The following EPB41L4B variants were observed in gnomAD, a reference collection of about 807,000 sequenced individuals.
The protein encoded by EPB41L4B is erythrocyte membrane protein band 4.1 like 4B, also known as band 4.1-like protein 4B.
EPB41L4B carries 30 observed loss-of-function variants against 112.5 expected under a neutral mutation model. The observed-to-expected ratio is 0.27, with a 90% CI of 0.20 to 0.36. EPB41L4B has a LOEUF of 0.36. Ranked by LOEUF, EPB41L4B falls within the 10% of genes least tolerant of loss-of-function variation. The pLI is 1.00. For missense variants in EPB41L4B, 1,024 were observed against 1,133.3 expected, an observed-to-expected ratio of 0.90 and a Z score of 1.38; for synonymous variants, 408 against 439.7, an observed-to-expected ratio of 0.93 and a Z score of 0.90.
At chr9:109,315,411 G>C (rs771327808) in intron 1 of EPB41L4B, among the ~76,000 whole-genome samples, 1 of 152,192 alleles carries the variant, frequency 6.6e-6, no homozygotes, top group South Asian at 2.1e-4. Flanking sequence ...TGAACTTTGT[G>C]AACACTGAAG....
intron 1 of EPB41L4B, among the ~76,000 whole-genome samples, chr9:109,303,037 T>C (rs1328433291): frequency 6.8e-6 from 1 of 146,480 alleles, no homozygotes; most frequent in Non-Finnish European, 1.5e-5. Context: ...GCCACGACCA[T>C]GCCAATGTAC....
intron 1 of EPB41L4B, among the ~76,000 whole-genome samples, chr9:109,292,468 G>A (rs750607475): frequency 6.6e-6 from 1 of 152,206 alleles, no homozygotes; most frequent in African/African-American, 2.4e-5. Flanking sequence ...GGCAAGTCAT[G>A]TAAACTGTCA....
chr9:109,236,125 A>C (rs1485462361), intron 15 of EPB41L4B, among the ~76,000 whole-genome samples: 1 of 152,236 alleles, frequency 6.6e-6, no homozygotes. Context: ...CATGGGCTCC[A>C]GTCTTAGCCC....
intron 1 of EPB41L4B, among the ~76,000 whole-genome samples, chr9:109,317,510 G>C (rs946028040): frequency 1.3e-5 from 2 of 152,234 alleles, no homozygotes; most frequent in African/African-American, 4.8e-5. Context: ...ACTGGACTGA[G>C]GTGCCACAGC....
intron 1 of EPB41L4B, among the ~76,000 whole-genome samples, chr9:109,304,171 T>G (rs988823004): frequency 2.0e-5 from 3 of 152,216 alleles, no homozygotes; most frequent in African/African-American, 7.2e-5. Context: ...TAAAGATACA[T>G]AAAGTGCTCA....
chr9:109,262,630 C>G (rs1454673697), intron 6 of EPB41L4B, among the ~76,000 whole-genome samples: 1 of 152,188 alleles, frequency 6.6e-6, no homozygotes, highest in African/African-American at 2.4e-5. Context: ...CAGGCCTGCT[C>G]CCTCTTAAGA....
chr9:109,288,085 T>C lies in EPB41L4B; in HGVS notation c.307-8164A>G, dbSNP rs549249449. 1.1e-3 allele frequency among the ~76,000 whole-genome samples: 164 copies of C among 152,362 alleles called. 1 individual carries two copies. Among genetic ancestry groups the C allele is most frequent in the Non-Finnish European group, 2.2e-3 (150 of 68,026 alleles). ...AAACTAATATCCAGTGTGATGGTAC[T>C]AAGAAGTGGGGCCTTCAGGCCCCGT... is the stretch of plus-strand genomic sequence containing the variant. On this transcript the variant is annotated intron_variant, in intron 1 of 25. Transcript: ENST00000374566.
At chr9:109,213,471 C>T (rs375219262) in intron 17 of EPB41L4B, among the ~76,000 whole-genome samples, 4 of 152,280 alleles carry the variant, frequency 2.6e-5, no homozygotes, top group Admixed American at 1.3e-4. Context: ...ACAGATCTAG[C>T]CTGTCAGGCA....
At chr9:109,219,232 T>C (rs1337721030) in intron 15 of EPB41L4B, among the ~76,000 whole-genome samples, 2 of 152,158 alleles carry the variant, frequency 1.3e-5, no homozygotes, top group African/African-American at 4.8e-5. Flanking sequence ...GTCATCCAAT[T>C]AGGGACAATC....
intron 7 of EPB41L4B, among the ~76,000 whole-genome samples, chr9:109,256,777 T>C (rs975363650): frequency 6.6e-6 from 1 of 152,222 alleles, no homozygotes; most frequent in Non-Finnish European, 1.5e-5. Flanking sequence ...ACCCCATCTC[T>C]GCTAAAAATA....
Position 109,185,536 on chromosome 9 carries a change from C to T in EPB41L4B, c.2371G>A (p.Glu791Lys), listed in dbSNP as rs370880343. The change falls in exon 23 of 26, where the codon GAA (glutamate) becomes AAA (lysine). Residue 791 changes from glutamate to lysine, a missense_variant. By Grantham distance (56) the Glu-to-Lys change is moderately conservative. Coordinates refer to ENST00000374566, the MANE Select transcript of EPB41L4B (RefSeq NM_019114.5). ...CSPPLSLPMK[E>K]ETTGVCMYPP... Reference sequence around the variant, plus strand: ...TACATGCAAACTCCAGTGGTCTCTTCCTTCATGGGGAGAGAGAGTGGAGGA... The same window carrying T: ...TACATGCAAACTCCAGTGGTCTCTTTCTTCATGGGGAGAGAGAGTGGAGGA... 13 of 1,613,492 alleles carry T rather than the reference C, an allele frequency of 8.1e-6. No individual in the cohort carries two copies. The highest frequency in any genetic ancestry group is 1.1e-5 in the Non-Finnish European group (13 of 1,179,670).
intron 1 of EPB41L4B, among the ~76,000 whole-genome samples, chr9:109,312,399 G>A (rs1056713738): frequency 5.3e-5 from 8 of 152,112 alleles, no homozygotes; most frequent in Non-Finnish European, 1.0e-4. Context: ...CATTCAATGA[G>A]TCTAACTAAA....
chr9:109,259,213 A>T (rs1253614727), intron 6 of EPB41L4B, among the ~76,000 whole-genome samples: 2 of 152,220 alleles, frequency 1.3e-5, no homozygotes, highest in Non-Finnish European at 2.9e-5. Context: ...CCTGCCTTTT[A>T]ACAAGATGCC....
chr9:109,261,794 T>G (rs1440745947), intron 6 of EPB41L4B, among the ~76,000 whole-genome samples: 1 of 152,148 alleles, frequency 6.6e-6, no homozygotes, highest in Non-Finnish European at 1.5e-5. Context: ...GTAGTAAGTG[T>G]GTACTAATTT....
chr9:109,189,178 G>T (rs778623501), intron 22 of EPB41L4B, among the ~76,000 whole-genome samples: 2 of 152,158 alleles, frequency 1.3e-5, no homozygotes, highest in Non-Finnish European at 2.9e-5. Context: ...CAGAAATTCA[G>T]ATCTGATTAC....
At chr9:109,264,056 A>AGG (rs1835312850) in intron 5 of EPB41L4B, among the ~76,000 whole-genome samples, 1 of 151,998 alleles carries the variant, frequency 6.6e-6, no homozygotes, top group African/African-American at 2.4e-5. Flanking sequence ...AGAGAGAGAG[A>AGG]GGGAGAGAGG....
chr9:109,203,750 G>A lies in EPB41L4B; in HGVS notation c.1879-20C>T. The A allele has an allele frequency of 6.2e-7, 1 of 1,605,706 alleles. No individual in the cohort carries two copies. ...TCCACCCTGTTAAAGAAAGCATTCA[G>A]GTTAGTCAAAACTGAATATGTTGGC... On this transcript the variant is annotated intron_variant, in intron 18 of 25. Coordinates refer to ENST00000374566, the MANE Select transcript of EPB41L4B (RefSeq NM_019114.5).
intron 20 of EPB41L4B, among the ~76,000 whole-genome samples, chr9:109,199,799 A>G (rs1832761336): frequency 6.6e-6 from 1 of 152,100 alleles, no homozygotes; most frequent in Non-Finnish European, 1.5e-5. Context: ...GACCTATGTG[A>G]CTACAGGCTG....
chr9:109,251,515 T>C lies in EPB41L4B; in HGVS notation c.1280-4A>G, dbSNP rs747123561. The stretch of plus-strand genomic sequence containing the variant: ...GCTGCTATCACTGGGTTGCTTGCTA[T>C]AAAGGAAAAACAGAAAGTTATGACA... On this transcript the variant is annotated splice_polypyrimidine_tract_variant and splice_region_variant and intron_variant, in intron 12 of 25. Coordinates refer to ENST00000374566, the MANE Select transcript of EPB41L4B (RefSeq NM_019114.5). 2.4e-5 allele frequency: 38 copies of C among 1,613,844 alleles called. No homozygotes were observed. The South Asian group carries it at 4.1e-4, about 17-fold the overall frequency.
Sources: gnomAD v4.1 joint callset for allele counts (sites outside exome capture counted in the v4.1 genomes callset) on GRCh38, gnomAD v4.1.1 for gene constraint, MANE v1.5 for transcripts, NCBI Gene and HGNC (gene_info 2026-07-23, HGNC 2026-07-21) for gene names.